The following ZGPAT variants were observed in gnomAD, a reference collection of about 807,000 sequenced individuals.
ZGPAT encodes zinc finger CCCH-type and G-patch domain containing, also known as zinc finger CCCH-type with G patch domain-containing protein.
Under a neutral mutation model 47.9 loss-of-function variants are expected in ZGPAT, and 39 were observed. That is an observed-to-expected ratio of 0.81 (90% CI 0.63 to 1.06). The LOEUF (loss-of-function observed/expected upper bound fraction) is 1.06. ZGPAT is among the 50% of genes least tolerant of loss of function. The pLI, the probability that ZGPAT is intolerant of heterozygous loss-of-function variation, is 0.00. For synonymous variants in ZGPAT, 348 were observed against 292.9 expected (o/e 1.19, Z -1.92); for missense variants, 717 against 681.4 (o/e 1.05, Z -0.58).
chr20:63,718,359 C>T (rs2091753438), intron 2 of ZGPAT, among the ~76,000 whole-genome samples: 1 of 150,880 alleles, frequency 6.6e-6, no homozygotes, highest in Non-Finnish European at 1.5e-5. Context: ...GAGAAAGGGT[C>T]TTGCTCTGTC....
chr20:63,707,707 C>G (rs6062498), upstream of ZGPAT: 104,877 of 152,102 alleles, frequency 0.69, 36,503 homozygotes, highest in Middle Eastern at 0.74. Flanking sequence ...AAGGAAGAAC[C>G]TGGGTCGCGG....
In ZGPAT at chr20:63,735,249, T is replaced by C. The variant is rs1440537626; in HGVS notation, c.1082T>C (p.Leu361Pro). 1.9e-6 allele frequency: 3 copies of C among 1,604,114 alleles called. No homozygotes were observed. Among genetic ancestry groups the C allele is most frequent in the Non-Finnish European group, 2.6e-6 (3 of 1,175,558 alleles). Reference protein sequence around the residue: ...GKSLDQCVETLQKQTRVGKAG... With the variant: ...GKSLDQCVETPQKQTRVGKAG... ...TCGCTGGACCAGTGTGTGGAGACCC[T>C]GCAGAAGCAGACCAGGGTTGGCAAG... Residue 361 changes from leucine (L) to proline (P), a missense_variant, in exon 6 of 7, where the codon CTG becomes CCG. Coordinates refer to ENST00000355969, the MANE Select transcript of ZGPAT (RefSeq NM_181485.3).
chr20:63,713,237 ATTT>A (rs1176511781), intron 2 of ZGPAT, among the ~76,000 whole-genome samples: 1 of 140,656 alleles, frequency 7.1e-6, no homozygotes, highest in African/African-American at 2.6e-5. Flanking sequence ...CACCCAGCTA[ATTT>A]TTTTTTTTGA....
intron 2 of ZGPAT, 25 bp downstream of exon 2, chr20:63,709,189 C>CA: frequency 6.2e-7 from 1 of 1,603,046 alleles, no homozygotes; most frequent in Admixed American, 1.7e-5. Context: ...TGTCAGATGC[C>CA]AACCTTAGGG....
intron 1 of ZGPAT, 36 bp from the exon 2 acceptor site, chr20:63,708,517 C>T: frequency 1.3e-6 from 2 of 1,483,766 alleles, no homozygotes; most frequent in South Asian, 1.3e-5. Context: ...GGGTCGGTCC[C>T]GAGACGCGGG....
chr20:63,732,453 GTGC>G (rs2091921623), intron 2 of ZGPAT, among the ~76,000 whole-genome samples: 1 of 103,616 alleles, frequency 9.7e-6, no homozygotes, highest in Non-Finnish European at 2.0e-5. Context: ...GTAGGTAAGG[GTGC>G]TTGTGTGCGC....
intron 4 of ZGPAT, 179 bp from the exon 5 acceptor site, chr20:63,734,526 G>T: frequency 1.6e-6 from 2 of 1,235,036 alleles, no homozygotes; most frequent in South Asian, 3.0e-5. Context: ...AGAGCACGGA[G>T]CCCAAGAGGT....
chr20:63,729,359 A>G (rs1222319200), intron 2 of ZGPAT, among the ~76,000 whole-genome samples: 2 of 152,118 alleles, frequency 1.3e-5, no homozygotes, highest in African/African-American at 4.8e-5. Flanking sequence ...TCTCTACTTG[A>G]GTGTGGCTGG....
chr20:63,734,209 T>C, intron 4 of ZGPAT: 1 of 252,104 alleles, frequency 4.0e-6, no homozygotes, highest in Non-Finnish European at 7.7e-6. Context: ...TGTGTATGCG[T>C]GTGCGTGTGT....
Position 63,709,047 on chromosome 20 carries a change from A to T in ZGPAT, c.467A>T (p.Glu156Val). 3 of 1,613,638 alleles carry T rather than the reference A, an allele frequency of 1.9e-6. No individual in the cohort carries two copies. The highest frequency in any genetic ancestry group is 1.7e-6 in the Non-Finnish European group (2 of 1,179,996). The change falls in exon 2 of 7, where the codon GAA becomes GTA. Residue 156 changes from glutamate to valine, a missense_variant. By Grantham distance (121) the Glu-to-Val change is moderately radical. Transcript: ENST00000355969. ...CACAACGCCATGGTGGTGGGAACGG[A>T]AGAGGCGGAGGATGGCTCGGCGGGT... ...EYHNAMVVGT[E>V]EAEDGSAGVR... is the part of the protein sequence containing the mutation.
chr20:63,732,600 C>T (rs937966390), intron 2 of ZGPAT, among the ~76,000 whole-genome samples: 11 of 145,300 alleles, frequency 7.6e-5, no homozygotes, highest in East Asian at 5.2e-4. Context: ...CATGTTTATA[C>T]GCGTGTCAGG....
chr20:63,731,902 G>A (rs2091908315), intron 2 of ZGPAT, among the ~76,000 whole-genome samples: 1 of 152,202 alleles, frequency 6.6e-6, no homozygotes, highest in Non-Finnish European at 1.5e-5. Context: ...AGTAATCTAG[G>A]GATGATTTAA....
chr20:63,726,634 T>C (rs992883572), intron 2 of ZGPAT, among the ~76,000 whole-genome samples: 2 of 152,228 alleles, frequency 1.3e-5, no homozygotes, highest in South Asian at 2.1e-4. Flanking sequence ...GCGATTCTTA[T>C]GCCTCAGCCT....
intron 2 of ZGPAT, among the ~76,000 whole-genome samples, chr20:63,715,643 G>A (rs551355757): frequency 6.6e-6 from 1 of 152,174 alleles, no homozygotes; most frequent in South Asian, 2.1e-4. Context: ...TATTGATAAG[G>A]GATATTGGTC....
chr20:63,727,408 A>AT (rs1338270310), intron 2 of ZGPAT, among the ~76,000 whole-genome samples: 1 of 151,926 alleles, frequency 6.6e-6, no homozygotes, highest in Non-Finnish European at 1.5e-5. Flanking sequence ...CGCCTGGCTA[A>AT]TTTTTGTATT....
At chr20:63,712,092 G>A (rs1376465782) in intron 2 of ZGPAT, among the ~76,000 whole-genome samples, 3 of 152,188 alleles carry the variant, frequency 2.0e-5, no homozygotes, top group South Asian at 4.1e-4. Context: ...CCATAGTTAT[G>A]AGGATTTTCA....
chr20:63,723,750 C>T (rs1371750956), intron 2 of ZGPAT, among the ~76,000 whole-genome samples: 8 of 152,236 alleles, frequency 5.3e-5, no homozygotes, highest in African/African-American at 1.2e-4. Context: ...AGCTCTTCAG[C>T]GTTATAATTA....
intron 2 of ZGPAT, among the ~76,000 whole-genome samples, chr20:63,719,197 C>T (rs920858095): frequency 2.0e-5 from 3 of 152,120 alleles, no homozygotes; most frequent in African/African-American, 7.2e-5. Context: ...AGGAGATTCT[C>T]TATCTTTGGG....
chr20:63,711,802 G>A (rs921889690), intron 2 of ZGPAT, among the ~76,000 whole-genome samples: 2 of 152,076 alleles, frequency 1.3e-5, no homozygotes, highest in Non-Finnish European at 2.9e-5. Context: ...TGGCCAGGCT[G>A]GTCTCGAACT....
Sources: gnomAD v4.1 joint callset for allele counts (sites outside exome capture counted in the v4.1 genomes callset) on GRCh38, gnomAD v4.1.1 for gene constraint, MANE v1.5 for transcripts, NCBI Gene and HGNC (gene_info 2026-07-23, HGNC 2026-07-21) for gene names.